The following IGF2BP1 variants were observed in gnomAD, a reference collection of about 807,000 sequenced individuals.
IGF2BP1 encodes the protein insulin-like growth factor 2 mRNA-binding protein 1.
IGF2BP1 carries 11 observed loss-of-function variants against 74.9 expected under a neutral mutation model. That is an observed-to-expected ratio of 0.15 (90% confidence interval 0.09 to 0.24). IGF2BP1 has a LOEUF of 0.24. IGF2BP1 is among the 10% of genes least tolerant of loss of function. The probability of loss-of-function intolerance (pLI) is 1.00; values close to 1 mark genes in which losing one functional copy is unlikely to be tolerated. For missense variants in IGF2BP1, 440 were observed against 757.4 expected (o/e 0.58, Z 4.92); for synonymous variants, 287 against 281.8 (o/e 1.02, Z -0.18).
rs372113539 is a variant in IGF2BP1, at chr17:49,039,944, T to A, written c.684-13T>A. The A allele has an allele frequency of 5.2e-5, 84 of 1,611,880 alleles. No individual in the cohort carries two copies. The highest frequency in any genetic ancestry group is 6.9e-5 in the Non-Finnish European group (82 of 1,179,882). On this transcript the variant is annotated splice_polypyrimidine_tract_variant and intron_variant, in intron 6 of 14. Transcript: ENST00000290341. ...TGGGGACAACTAACCAGCCTTGTCC[T>A]TGTGGCCCCCAGGATAGACGTGCAT... is the stretch of plus-strand genomic sequence containing the variant.
intron 5 of IGF2BP1, chr17:49,037,174 C>T (rs1041211479): frequency 4.7e-5 from 22 of 466,104 alleles, no homozygotes; most frequent in African/African-American, 4.2e-4. Flanking sequence ...GTTTGGATCC[C>T]TAAAATAATG....
intron 2 of IGF2BP1, chr17:49,014,179 C>T (rs2041661313): frequency 6.5e-6 from 1 of 152,838 alleles, no homozygotes; most frequent in Non-Finnish European, 1.5e-5. Context: ...AGGCACCGCA[C>T]TATCCCCGTT....
At chr17:48,997,005 C>G (rs1426864764), upstream of IGF2BP1, among the ~76,000 whole-genome samples, 1 of 152,198 alleles carries the variant, frequency 6.6e-6, no homozygotes, top group East Asian at 1.9e-4. This position sits in a 1 kb window ranked among gnomAD's most constrained non-coding sequence, Gnocchi z 4.8. Flanking sequence ...CAGTCGCTAG[C>G]AGTTAACCGG....
chr17:49,028,156 A>G (rs2041880520), intron 4 of IGF2BP1, among the ~76,000 whole-genome samples: 1 of 152,164 alleles, frequency 6.6e-6, no homozygotes, highest in African/African-American at 2.4e-5. Context: ...AAGACTCTGT[A>G]TTGTCTCAAA....
chr17:49,031,336 C>CA (rs1186270302), intron 4 of IGF2BP1, among the ~76,000 whole-genome samples: 3 of 152,050 alleles, frequency 2.0e-5, no homozygotes, highest in African/African-American at 7.2e-5. Flanking sequence ...CTCCCAAGCT[C>CA]AAATGATCTG....
At chr17:49,030,444 T>C (rs1210069825) in intron 4 of IGF2BP1, among the ~76,000 whole-genome samples, 2 of 152,014 alleles carry the variant, frequency 1.3e-5, no homozygotes, top group African/African-American at 4.8e-5. Flanking sequence ...GCCCGGCCTC[T>C]GTTTAGCTGG....
At chr17:49,006,768 C>G (rs1598123619) in intron 2 of IGF2BP1, among the ~76,000 whole-genome samples, 1 of 152,106 alleles carries the variant, frequency 6.6e-6, no homozygotes, top group South Asian at 2.1e-4. Flanking sequence ...GGTAACTCTA[C>G]CTGTATGTTG....
At chr17:48,997,358 TCTC>T (rs1369637834), upstream of IGF2BP1, 1 of 158,280 alleles carries the variant, frequency 6.3e-6, no homozygotes, top group African/African-American at 2.5e-5. The surrounding 1 kb of genome is among the most constrained non-coding windows in gnomAD (Gnocchi z 4.8). Context: ...CCACGTGGCT[TCTC>T]CTTTTTTTTT....
chr17:49,006,814 G>T (rs2041556206), intron 2 of IGF2BP1, among the ~76,000 whole-genome samples: 1 of 152,172 alleles, frequency 6.6e-6, no homozygotes, highest in Non-Finnish European at 1.5e-5. Flanking sequence ...GAGAGATGAA[G>T]CTCACCAGGG....
chr17:48,998,053 G>C, intron 1 of IGF2BP1, 133 bp downstream of exon 1: 1 of 901,976 alleles, frequency 1.1e-6, no homozygotes, highest in South Asian at 1.7e-5. Context: ...ACCCACCCTC[G>C]ACCTACCCCC....
intron 2 of IGF2BP1, among the ~76,000 whole-genome samples, chr17:49,010,519 T>C (rs1015629889): frequency 2.0e-5 from 3 of 151,986 alleles, no homozygotes; most frequent in Non-Finnish European, 4.4e-5. Context: ...GGTTTCACTG[T>C]GTCAGCCAGG....
chr17:49,031,792 C>A, intron 4 of IGF2BP1, 118 bp from the exon 5 acceptor site: 1 of 897,518 alleles, frequency 1.1e-6, no homozygotes, highest in Non-Finnish European at 1.8e-6. Flanking sequence ...TGTGATCTAC[C>A]GTGTCTGGCC....
chr17:49,046,124 T>C, intron 13 of IGF2BP1, 103 bp downstream of exon 13: 1 of 1,493,190 alleles, frequency 6.7e-7, no homozygotes, highest in Non-Finnish European at 9.2e-7. Flanking sequence ...CCTGATTTGC[T>C]CATTTACTTG....
chr17:49,019,982 CCACA>C (rs2041770048), intron 2 of IGF2BP1, among the ~76,000 whole-genome samples: 1 of 35,834 alleles, frequency 2.8e-5, no homozygotes, highest in Non-Finnish European at 5.3e-5. Flanking sequence ...ACACATACAC[CCACA>C]CATATATATA....
At chr17:48,999,195 G>GTGGGGGGGCC in intron 2 of IGF2BP1, 26 bp downstream of exon 2, 1 of 719,728 alleles carries the variant, frequency 1.4e-6, no homozygotes, top group Admixed American at 2.3e-5. Flanking sequence ...TTTCGGGGGG[G>GTGGGGGGGCC]GTGGGGGGGC....
chr17:49,031,090 T>C (rs2041916180), intron 4 of IGF2BP1, among the ~76,000 whole-genome samples: 1 of 152,162 alleles, frequency 6.6e-6, no homozygotes, highest in African/African-American at 2.4e-5. Context: ...CTGAGGAAAT[T>C]ACAAAAAGCA....
chr17:49,019,993 T>C (rs1330928664), intron 2 of IGF2BP1, among the ~76,000 whole-genome samples: 4 of 87,274 alleles, frequency 4.6e-5, no homozygotes, highest in Admixed American at 1.4e-4. Context: ...CACACATATA[T>C]ATACACACAC....
At chr17:49,030,193 G>T (rs1179353291) in intron 4 of IGF2BP1, among the ~76,000 whole-genome samples, 1 of 142,630 alleles carries the variant, frequency 7.0e-6, no homozygotes, top group Non-Finnish European at 1.5e-5. Context: ...CCAGTCTGAA[G>T]TTCAGTGGTG....
chr17:48,997,977 C>G lies in IGF2BP1; in HGVS notation c.175+57C>G. The G allele has an allele frequency of 6.4e-7, 1 of 1,563,026 alleles. No individual in the cohort carries two copies. The highest frequency in any genetic ancestry group is 8.7e-7 in the Non-Finnish European group (1 of 1,148,716). The stretch of plus-strand genomic sequence containing the variant: ...CAACGAGAGCCCCGAACAACGGAGA[C>G]CCGCACCTTCCGGTTCCTCTCCCGC... On this transcript the variant is annotated intron_variant, in intron 1 of 14. Coordinates refer to ENST00000290341, the MANE Select transcript of IGF2BP1 (RefSeq NM_006546.4). The surrounding 1 kb of genome is among the most constrained non-coding windows in gnomAD (Gnocchi z 4.8).
Sources: gnomAD v4.1 joint callset for allele counts (sites outside exome capture counted in the v4.1 genomes callset) on GRCh38, gnomAD v4.1.1 for gene constraint, Gnocchi (gnomAD v3.1) non-coding constraint, MANE v1.5 for transcripts, NCBI Gene and HGNC (gene_info 2026-07-23, HGNC 2026-07-21) for gene names.